The following IGF1R variants were observed in gnomAD, a reference collection of about 807,000 sequenced individuals.
IGF1R encodes insulin-like growth factor 1 receptor.
Under a neutral mutation model 144.6 loss-of-function variants are expected in IGF1R, and 44 were observed. The observed-to-expected ratio is 0.30, with a 90% CI of 0.24 to 0.39. The LOEUF (loss-of-function observed/expected upper bound fraction) is 0.39. Among genes scored for constraint, IGF1R ranks in the 10% least tolerant of loss-of-function variants. The probability of loss-of-function intolerance (pLI) is 1.00; values close to 1 mark genes in which losing one functional copy is unlikely to be tolerated. For synonymous variants in IGF1R, 795 were observed against 722.8 expected (o/e 1.10, Z -1.60); for missense variants, 1,355 against 1,833.7 (o/e 0.74, Z 4.77).
At position 98,770,315 on chromosome 15, in the gene IGF1R, A is replaced by C. The variant is rs1214768081; in HGVS notation, c.640+62208A>C. Among the ~76,000 whole-genome samples the C allele has an allele frequency of 3.9e-5, 6 of 152,340 alleles. No individual in the cohort carries two copies. The South Asian group carries it at 1.2e-3, about 32-fold the overall frequency. On this transcript the variant is annotated intron_variant, in intron 2 of 20. Transcript: ENST00000650285. The stretch of plus-strand genomic sequence containing the variant: ...TTGATCTCTTGGAGGTAGAGAGTAG[A>C]GTGATGGTTACCAGAGACTGGGAAA...
intron 2 of IGF1R, among the ~76,000 whole-genome samples, chr15:98,727,824 C>T (rs899529181): frequency 1.2e-4 from 18 of 152,226 alleles, no homozygotes; most frequent in African/African-American, 3.9e-4. Context: ...AACCGCCGGC[C>T]GGCCCTGGTG....
chr15:98,944,038 A>G (rs1325865870), intron 19 of IGF1R, among the ~76,000 whole-genome samples: 2 of 152,236 alleles, frequency 1.3e-5, no homozygotes, highest in African/African-American at 4.8e-5. Context: ...CAGCTTGTCC[A>G]AGATGGTTAT....
intron 1 of IGF1R, among the ~76,000 whole-genome samples, chr15:98,702,898 C>T (rs926124406): frequency 6.6e-6 from 1 of 152,174 alleles, no homozygotes; most frequent in South Asian, 2.1e-4. Flanking sequence ...GATTGTGCTG[C>T]AGCACTCTAG....
intron 1 of IGF1R, among the ~76,000 whole-genome samples, chr15:98,680,864 C>CTTTTTTTT (rs71149411): frequency 1.4e-5 from 2 of 142,542 alleles, no homozygotes; most frequent in Admixed American, 7.0e-5. Context: ...GCCATATGTA[C>CTTTTTTTT]TTTTTTTTTT....
rs546174845 is a variant in IGF1R, at chr15:98,753,640, G to A, written c.640+45533G>A. Among the ~76,000 whole-genome samples, 47 of 152,108 alleles carry A rather than the reference G, an allele frequency of 3.1e-4. 1 individual carries two copies. Among genetic ancestry groups the A allele is most frequent in the African/African-American group, 1.1e-3 (47 of 41,500 alleles). On this transcript the variant is annotated intron_variant, in intron 2 of 20. Transcript: ENST00000650285. ...GTTAATTGGATTTTATACAAAAGAA[G>A]CTTTTGACTCATTTCATTTAGCTTT...
chr15:98,782,091 A>G (rs937467417), intron 2 of IGF1R, among the ~76,000 whole-genome samples: 8 of 152,010 alleles, frequency 5.3e-5, no homozygotes, highest in Admixed American at 3.3e-4. Context: ...TCTCCTGTTT[A>G]TGTTTTAAAT....
rs1049986796 is a variant in IGF1R at position 98,922,213 on chromosome 15, A to G, written c.2267A>G (p.Asn756Ser). ...ACCACCATGTCCAGCCGAAGCAGGA[A>G]CACCACGGCCGCAGACACCTACAAC... Reference protein sequence around the residue: ...ANTTMSSRSRNTTAADTYNIT... With the variant: ...ANTTMSSRSRSTTAADTYNIT... The change falls in exon 11 of 21, where the codon AAC becomes AGC. Residue 756 changes from asparagine (N) to serine (S), a missense_variant. This residue lies in a region of IGF1R where 880 missense variants were observed against 1,202.7 expected (regional missense o/e 0.73). Transcript: ENST00000650285. 1.9e-6 allele frequency: 3 copies of G among 1,614,084 alleles called. No individual in the cohort carries two copies. Among genetic ancestry groups the G allele is most frequent in the African/African-American group, 2.7e-5 (2 of 74,944 alleles).
intron 2 of IGF1R, among the ~76,000 whole-genome samples, chr15:98,767,882 T>C (rs1257367611): frequency 6.6e-6 from 1 of 152,120 alleles, no homozygotes; most frequent in African/African-American, 2.4e-5. Flanking sequence ...CCAAGTCAGA[T>C]CCCTGGCATT....
At position 98,948,558 on chromosome 15, in the gene IGF1R, T is replaced by C. The variant is rs1180855147; in HGVS notation, c.3588-16T>C. Reference sequence around the variant, plus strand: ...CATCCCTTTCCAAGCTCCTCACAGTTTTTTTCTCCCTGTAGGTCCTTCGGG... The same window carrying C: ...CATCCCTTTCCAAGCTCCTCACAGTCTTTTTCTCCCTGTAGGTCCTTCGGG... On this transcript the variant is annotated splice_polypyrimidine_tract_variant and intron_variant, in intron 19 of 20. Transcript: ENST00000650285. The C allele has an allele frequency of 6.2e-7, 1 of 1,613,378 alleles. No homozygotes were observed. The highest frequency in any genetic ancestry group is 1.3e-5 in the African/African-American group (1 of 74,894).
intron 6 of IGF1R, among the ~76,000 whole-genome samples, chr15:98,909,427 T>G (rs1005065104): frequency 6.6e-6 from 1 of 151,856 alleles, no homozygotes; most frequent in Non-Finnish European, 1.5e-5. Context: ...CCCAGCTAAT[T>G]TTTGGATTTT....
intron 15 of IGF1R, among the ~76,000 whole-genome samples, chr15:98,932,049 G>A (rs1339797888): frequency 6.6e-6 from 1 of 152,226 alleles, no homozygotes; most frequent in African/African-American, 2.4e-5. Context: ...AGGTTGGTGT[G>A]TGTAGCTTTT....
At chr15:98,795,652 G>A (rs1163629948) in intron 2 of IGF1R, among the ~76,000 whole-genome samples, 1 of 152,148 alleles carries the variant, frequency 6.6e-6, no homozygotes, top group African/African-American at 2.4e-5. Context: ...TCCTGACCTC[G>A]TGATCCACCT....
intron 2 of IGF1R, among the ~76,000 whole-genome samples, chr15:98,853,998 C>T (rs561961313): frequency 2.6e-5 from 4 of 152,300 alleles, no homozygotes; most frequent in South Asian, 2.1e-4. Context: ...TCTGTCTGTG[C>T]GCCCTCTCCC....
intron 2 of IGF1R, among the ~76,000 whole-genome samples, chr15:98,798,067 A>G (rs1302437033): frequency 1.3e-5 from 2 of 152,184 alleles, no homozygotes; most frequent in African/African-American, 2.4e-5. Flanking sequence ...AATATTATTG[A>G]GCACCTGCTG....
chr15:98,801,280 A>C (rs552453428), intron 2 of IGF1R, among the ~76,000 whole-genome samples: 19 of 152,172 alleles, frequency 1.2e-4, no homozygotes, highest in African/African-American at 4.6e-4. Context: ...GCGGCTCTTT[A>C]TTTGTGGCCC....
chr15:98,833,160 A>G (rs1177758086), intron 2 of IGF1R, among the ~76,000 whole-genome samples: 1 of 152,214 alleles, frequency 6.6e-6, no homozygotes, highest in Non-Finnish European at 1.5e-5. Context: ...TGAATGAACC[A>G]TATTAGAAAA....
intron 1 of IGF1R, among the ~76,000 whole-genome samples, chr15:98,663,837 C>A (rs1256225359): frequency 6.6e-6 from 1 of 152,230 alleles, no homozygotes; most frequent in African/African-American, 2.4e-5. Context: ...TGAAGAGGAA[C>A]AGTTTGTTTA....
Position 98,656,610 on chromosome 15 carries a change from T to G in IGF1R, c.94+6935T>G, listed in dbSNP as rs180746020. On this transcript the variant is annotated intron_variant, in intron 1 of 20. Coordinates refer to ENST00000650285, the MANE Select transcript of IGF1R (RefSeq NM_000875.5). The stretch of plus-strand genomic sequence containing the variant: ...CTGGTAATAGTCTGGAAAACATTTT[T>G]TTTTTGTTTTTTTGCATATTTTAAA... Among the ~76,000 whole-genome samples the G allele has an allele frequency of 2.6e-3, 401 of 152,284 alleles. 3 individuals carry two copies. The highest frequency in any genetic ancestry group is 8.9e-3 in the African/African-American group (369 of 41,564).
intron 2 of IGF1R, among the ~76,000 whole-genome samples, chr15:98,818,043 G>T (rs2056731242): frequency 6.6e-6 from 1 of 152,190 alleles, no homozygotes; most frequent in African/African-American, 2.4e-5. Flanking sequence ...ATATAGTGGT[G>T]GGAGAGAGCA....
Sources: allele counts gnomAD v4.1 joint callset (sites outside exome capture counted in the v4.1 genomes callset), GRCh38; gene constraint gnomAD v4.1.1; regional missense constraint gnomAD v4.1.1; transcripts MANE v1.5; gene names NCBI Gene and HGNC (gene_info 2026-07-23, HGNC 2026-07-21).